Variants in AFG2A observed in about 807,000 individuals in gnomAD.
AFG2A encodes the protein ATPase family gene 2 protein homolog A.
chr4:123,165,706 A>AT, the AFG2A span, among the ~76,000 whole-genome samples: 4 of 152,102 alleles, frequency 2.6e-5, no homozygotes, highest in African/African-American at 9.7e-5. Flanking sequence ...TCTCATTGAT[A>AT]TTTATGATAT....
the AFG2A span, among the ~76,000 whole-genome samples, chr4:123,163,920 C>T: frequency 6.6e-6 from 1 of 152,310 alleles, no homozygotes; most frequent in African/African-American, 2.4e-5. Flanking sequence ...CTACATCTTT[C>T]AAGAGGGTGT....
the AFG2A span, among the ~76,000 whole-genome samples, chr4:123,001,735 A>C: frequency 3.3e-5 from 5 of 152,234 alleles, no homozygotes; most frequent in Non-Finnish European, 7.3e-5. Context: ...TATGTGGTCA[A>C]TTTTGGAATA....
chr4:123,003,756 G>A, the AFG2A span, among the ~76,000 whole-genome samples: 1 of 151,992 alleles, frequency 6.6e-6, no homozygotes, highest in African/African-American at 2.4e-5. Flanking sequence ...GTGGTCAGGG[G>A]TCAGGGACCC....
At chr4:123,197,951 C>G in the AFG2A span, among the ~76,000 whole-genome samples, 2 of 151,762 alleles carry the variant, frequency 1.3e-5, no homozygotes, top group African/African-American at 4.8e-5. Flanking sequence ...ATTTTGAAGC[C>G]TCTAACATCA....
chr4:123,143,395 C>G, the AFG2A span, among the ~76,000 whole-genome samples: 1,722 of 152,152 alleles, frequency 0.011, 19 homozygotes, highest in Non-Finnish European at 0.015. Flanking sequence ...CATCTACTTT[C>G]TCTTTCACAA....
At chr4:122,982,467 T>TA in the AFG2A span, among the ~76,000 whole-genome samples, 1 of 152,238 alleles carries the variant, frequency 6.6e-6, no homozygotes, top group Non-Finnish European at 1.5e-5. Flanking sequence ...TTTCTATTCT[T>TA]ACAGCATTCT....
chr4:122,925,054 C>T, the AFG2A span, among the ~76,000 whole-genome samples: 4 of 152,178 alleles, frequency 2.6e-5, no homozygotes, highest in African/African-American at 7.2e-5. Flanking sequence ...TTCATGAGCC[C>T]GTTATTTCCT....
At chr4:122,945,640 C>T in the AFG2A span, among the ~76,000 whole-genome samples, 42 of 152,322 alleles carry the variant, frequency 2.8e-4, no homozygotes, top group East Asian at 3.3e-3. Context: ...GCACACGGTG[C>T]GCTGCACCCA....
chr4:122,951,778 T>C, the AFG2A span, among the ~76,000 whole-genome samples: 10 of 152,202 alleles, frequency 6.6e-5, no homozygotes, highest in African/African-American at 2.2e-4. Flanking sequence ...AGTGCAAGGA[T>C]TGCCTCGTGA....
At chr4:123,083,249 A>G in the AFG2A span, among the ~76,000 whole-genome samples, 1 of 152,122 alleles carries the variant, frequency 6.6e-6, no homozygotes, top group African/African-American at 2.4e-5. Flanking sequence ...ATTAAGTGTG[A>G]TGTTAGCTGT....
chr4:123,313,811 A>G, the AFG2A span: 1 of 1,325,848 alleles, frequency 7.5e-7, no homozygotes, highest in South Asian at 1.7e-5. Context: ...ACAGATGAAT[A>G]TTTGGAATAT....
At chr4:123,230,297 T>C in the AFG2A span, among the ~76,000 whole-genome samples, 23 of 152,118 alleles carry the variant, frequency 1.5e-4, no homozygotes, top group Admixed American at 1.2e-3. Flanking sequence ...ATATCCTGAA[T>C]TATTTGTTGA....
the AFG2A span, among the ~76,000 whole-genome samples, chr4:123,106,665 T>C: frequency 2.0e-5 from 3 of 152,364 alleles, no homozygotes; most frequent in Non-Finnish European, 2.9e-5. Context: ...TGCATTGTTA[T>C]TGCCTCAGTG....
chr4:123,181,124 A>G, the AFG2A span, among the ~76,000 whole-genome samples: 5 of 151,930 alleles, frequency 3.3e-5, no homozygotes, highest in Non-Finnish European at 7.4e-5. Flanking sequence ...AGGTGGGACT[A>G]CAGGCACCCG....
the AFG2A span, among the ~76,000 whole-genome samples, chr4:122,924,877 T>G: frequency 1.3e-5 from 2 of 152,188 alleles, no homozygotes; most frequent in Non-Finnish European, 2.9e-5. Flanking sequence ...AAATTTTTAT[T>G]AAACAGATGT....
the AFG2A span, among the ~76,000 whole-genome samples, chr4:123,214,956 T>G: frequency 6.6e-6 from 1 of 152,070 alleles, no homozygotes; most frequent in Non-Finnish European, 1.5e-5. Flanking sequence ...TTGGAGAGTC[T>G]CAGGTTAAAG....
the AFG2A span, among the ~76,000 whole-genome samples, chr4:123,105,905 T>C: frequency 6.6e-6 from 1 of 152,238 alleles, no homozygotes; most frequent in Admixed American, 6.5e-5. Flanking sequence ...GGATTTAGTA[T>C]ATCGTGTAAG....
the AFG2A span, among the ~76,000 whole-genome samples, chr4:123,022,342 AAAAC>A: frequency 6.6e-6 from 1 of 152,220 alleles, no homozygotes; most frequent in African/African-American, 2.4e-5. Flanking sequence ...AATTTACAAG[AAAAC>A]AAACAACCCC....
chr4:123,245,676 C>A, the AFG2A span, among the ~76,000 whole-genome samples: 1 of 152,098 alleles, frequency 6.6e-6, no homozygotes, highest in Non-Finnish European at 1.5e-5. Flanking sequence ...TCCTGAACAC[C>A]TGCTGTCAAA....
Sources: allele counts gnomAD v4.1 joint callset (sites outside exome capture counted in the v4.1 genomes callset), GRCh38; gene constraint gnomAD v4.1.1; transcripts MANE v1.5; gene names NCBI Gene and HGNC (gene_info 2026-07-23, HGNC 2026-07-21).